SLC38A1: variants seen among roughly 807,000 people sequenced by gnomAD.
SLC38A1 encodes the protein sodium-coupled neutral amino acid symporter 1.
Under a neutral mutation model 60.3 loss-of-function variants are expected in SLC38A1, and 18 were observed. That is an observed-to-expected ratio of 0.30 (90% CI 0.21 to 0.44). The LOEUF (loss-of-function observed/expected upper bound fraction) is 0.44. SLC38A1 is among the 20% of genes least tolerant of loss of function. The pLI, the probability that SLC38A1 is intolerant of heterozygous loss-of-function variation, is 1.00. For missense variants in SLC38A1, 448 were observed against 587.2 expected, an observed-to-expected ratio of 0.76 and a Z score of 2.45; for synonymous variants, 196 against 212.1, an observed-to-expected ratio of 0.92 and a Z score of 0.66.
At chr12:46,198,200 A>C in intron 14 of SLC38A1, 140 bp from the exon 15 acceptor site, 1 of 911,692 alleles carries the variant, frequency 1.1e-6, no homozygotes, top group South Asian at 1.8e-5. Flanking sequence ...AGATAGCTTA[A>C]CAGTTTTGGA....
rs752500717 is a variant in SLC38A1 at position 46,196,796 on chromosome 12, A to G, written c.1362+924T>C. 3.7e-4 allele frequency among the ~76,000 whole-genome samples: 57 copies of G among 152,296 alleles called. 1 individual carries two copies. The highest frequency in any genetic ancestry group is 1.2e-3 in the African/African-American group (49 of 41,550). On this transcript the variant is annotated intron_variant, in intron 16 of 16. Transcript: ENST00000398637. ...ATGGAGCTCCAGAAGGGACTCAGGTAGCAGCCACTTCACCCCTGCTTCCCT... is the reference window on the plus strand; with the variant it reads ...ATGGAGCTCCAGAAGGGACTCAGGTGGCAGCCACTTCACCCCTGCTTCCCT...
At chr12:46,191,271 T>C (rs942462318) in intron 16 of SLC38A1, among the ~76,000 whole-genome samples, 13 of 152,208 alleles carry the variant, frequency 8.5e-5, no homozygotes, top group Non-Finnish European at 1.9e-4. Context: ...CTGAGGCCTC[T>C]GTTCTGTTCC....
chr12:46,230,481 C>T (rs1941032844), intron 3 of SLC38A1, among the ~76,000 whole-genome samples: 1 of 152,186 alleles, frequency 6.6e-6, no homozygotes, highest in Non-Finnish European at 1.5e-5. Flanking sequence ...GAAGTTAACA[C>T]TATTACATCA....
At chr12:46,223,301 T>C (rs1324110093) in intron 5 of SLC38A1, among the ~76,000 whole-genome samples, 2 of 152,192 alleles carry the variant, frequency 1.3e-5, no homozygotes, top group Admixed American at 6.5e-5. Context: ...GGGATTAAGA[T>C]AGTGTAGCAT....
chr12:46,234,986 T>C (rs1276988874), intron 3 of SLC38A1, among the ~76,000 whole-genome samples: 4 of 152,230 alleles, frequency 2.6e-5, no homozygotes, highest in African/African-American at 9.6e-5. Flanking sequence ...AGAGTTCTCA[T>C]TGGGTGTGTC....
chr12:46,229,048 A>T, intron 5 of SLC38A1, 105 bp downstream of exon 5: 1 of 643,042 alleles, frequency 1.6e-6, no homozygotes, highest in Non-Finnish European at 2.6e-6. Context: ...TAGCCAAGTT[A>T]ATAAAAAAAC....
chr12:46,264,747 C>T (rs1231685333), intron 1 of SLC38A1, among the ~76,000 whole-genome samples: 1 of 152,098 alleles, frequency 6.6e-6, no homozygotes, highest in Non-Finnish European at 1.5e-5. Context: ...CAATCTGTAG[C>T]TTTTTATCTG....
intron 3 of SLC38A1, among the ~76,000 whole-genome samples, chr12:46,232,420 T>C (rs1941112256): frequency 6.6e-6 from 1 of 152,226 alleles, no homozygotes. Context: ...ATTGACATAA[T>C]AAAAGCAATA....
At chr12:46,227,653 A>G (rs929658593) in intron 5 of SLC38A1, among the ~76,000 whole-genome samples, 8 of 152,242 alleles carry the variant, frequency 5.3e-5, no homozygotes, top group Non-Finnish European at 1.0e-4. Context: ...TAACTTTTAA[A>G]AAAAGAAATC....
intron 11 of SLC38A1, among the ~76,000 whole-genome samples, chr12:46,203,720 T>A (rs1939765299): frequency 6.6e-6 from 1 of 152,212 alleles, no homozygotes; most frequent in African/African-American, 2.4e-5. Context: ...AAAACTAACC[T>A]ATCTTATGCC....
chr12:46,254,196 G>T (rs1445559442), intron 1 of SLC38A1, among the ~76,000 whole-genome samples: 1 of 152,160 alleles, frequency 6.6e-6, no homozygotes, highest in Admixed American at 6.5e-5. Flanking sequence ...TTGGAATATT[G>T]ATCCAGATTT....
chr12:46,256,578 C>T (rs887255283), intron 1 of SLC38A1, among the ~76,000 whole-genome samples: 5 of 149,926 alleles, frequency 3.3e-5, no homozygotes, highest in South Asian at 2.1e-4. Context: ...CATGACTGAC[C>T]GGAAGGAAAC....
At chr12:46,211,745 A>C (rs1940181010) in intron 5 of SLC38A1, among the ~76,000 whole-genome samples, 1 of 152,202 alleles carries the variant, frequency 6.6e-6, no homozygotes, top group African/African-American at 2.4e-5. Context: ...CACAGTGGTG[A>C]AAACAACCCC....
chr12:46,268,645 ATG>A lies in SLC38A1; in HGVS notation c.-330_-329del, dbSNP rs1942443605. On this transcript the variant is annotated 5_prime_UTR_variant, in exon 1 of 17. An upstream open reading frame in the 5' UTR loses its in-frame stop. Coordinates refer to ENST00000398637, the MANE Select transcript of SLC38A1 (RefSeq NM_030674.4). This position sits in a 1 kb window ranked among gnomAD's most constrained non-coding sequence, Gnocchi z 4.4. ...AGGTCTGGCTGCGGAGGCCGGGAAA[ATG>A]TGGCCCCCGTCAGTAAGGGTTGGGC... 4.2e-6 allele frequency: 1 copy of A among 235,918 alleles called. No individual in the cohort carries two copies. Among genetic ancestry groups the A allele is most frequent in the Admixed American group, 4.6e-5 (1 of 21,616 alleles). 14.6% of individuals were successfully genotyped at this position (235,918 alleles called of 1,614,324 possible). A position where few individuals can be genotyped will look rare whatever the true frequency, so the allele number is the denominator to read the frequency against.
chr12:46,198,847 A>G (rs1044077379), intron 13 of SLC38A1, 104 bp from the exon 14 acceptor site: 2 of 723,328 alleles, frequency 2.8e-6, no homozygotes, highest in African/African-American at 1.8e-5. Context: ...AGGGCAAGAA[A>G]AGCAATGTTT....
In SLC38A1 at chr12:46,267,053, C is replaced by T. The variant is rs535185394; in HGVS notation, c.-209+1473G>A. ...TTTATTTCCGTTGTCCTTCTGACGT[C>T]AGAAAAAGCACGAGTTGCTGCACAG... On this transcript the variant is annotated intron_variant, in intron 1 of 16. Coordinates refer to ENST00000398637, the MANE Select transcript of SLC38A1 (RefSeq NM_030674.4). Among the ~76,000 whole-genome samples the T allele has an allele frequency of 6.6e-5, 10 of 152,290 alleles. No individual in the cohort carries two copies. In the South Asian group the frequency reaches 1.9e-3, roughly 28 times the overall value.
intron 16 of SLC38A1, among the ~76,000 whole-genome samples, chr12:46,194,279 T>C (rs1451986300): frequency 6.6e-6 from 1 of 152,218 alleles, no homozygotes; most frequent in African/African-American, 2.4e-5. Context: ...CCTTCTGGCT[T>C]GTAGGGTTTC....
In SLC38A1 at chr12:46,226,719, G is replaced by A. The variant is rs561223236; in HGVS notation, c.314+2434C>T. On this transcript the variant is annotated intron_variant, in intron 5 of 16. Coordinates refer to ENST00000398637, the MANE Select transcript of SLC38A1 (RefSeq NM_030674.4). Reference sequence around the variant, plus strand: ...CAACCTCTGCCTCCCGGGTTCAATCGATTCTCCTGCCTCAGCCTCCTGAGT... The same window carrying A: ...CAACCTCTGCCTCCCGGGTTCAATCAATTCTCCTGCCTCAGCCTCCTGAGT... Among the ~76,000 whole-genome samples the A allele has an allele frequency of 1.9e-3, 280 of 149,362 alleles. 1 individual carries two copies. The highest frequency in any genetic ancestry group is 6.6e-3 in the African/African-American group (268 of 40,562).
chr12:46,194,274 T>C (rs760995063), intron 16 of SLC38A1, among the ~76,000 whole-genome samples: 1 of 152,258 alleles, frequency 6.6e-6, no homozygotes, highest in Non-Finnish European at 1.5e-5. Flanking sequence ...CACTCCCTTC[T>C]GGCTTGTAGG....
Sources: allele counts gnomAD v4.1 joint callset (sites outside exome capture counted in the v4.1 genomes callset), GRCh38; gene constraint gnomAD v4.1.1; non-coding constraint Gnocchi (gnomAD v3.1); transcripts MANE v1.5; gene names NCBI Gene and HGNC (gene_info 2026-07-23, HGNC 2026-07-21).